The following FRMD6 variants were observed in gnomAD, a reference collection of about 807,000 sequenced individuals.
FRMD6 encodes FERM domain containing 6, also known as FERM domain-containing protein 6.
FRMD6 carries 37 observed loss-of-function variants against 73.2 expected under a neutral mutation model. That is an observed-to-expected ratio of 0.51 (90% CI 0.39 to 0.66). The LOEUF is 0.66. Among genes scored for constraint, FRMD6 ranks in the 30% least tolerant of loss-of-function variants. FRMD6 has a pLI of 0.00. For missense variants in FRMD6, 714 were observed against 780.5 expected, an observed-to-expected ratio of 0.91 and a Z score of 1.02; for synonymous variants, 273 against 282.2, an observed-to-expected ratio of 0.97 and a Z score of 0.33.
rs964268502 is a variant in FRMD6 at position 51,728,360 on chromosome 14, T to C, written c.*331T>C. 6 of 215,386 alleles carry C rather than the reference T, an allele frequency of 2.8e-5. No homozygotes were observed. The highest frequency in any genetic ancestry group is 2.1e-4 in the Admixed American group (4 of 18,764). The allele number at this position is 215,386 out of a possible 1,614,324, so 13.3% of individuals were successfully genotyped here. A position where few individuals can be genotyped will look rare whatever the true frequency, so the allele number is the denominator to read the frequency against. On this transcript the variant is annotated 3_prime_UTR_variant, in exon 14 of 14. Coordinates refer to ENST00000344768, the MANE Select transcript of FRMD6 (RefSeq NM_001267046.2). ...TCTGATGCTTTTTAGTTCAGTTACA[T>C]GTAACATCACATTTTTTTATCACGT... is the stretch of plus-strand genomic sequence containing the variant.
Position 51,725,799 on chromosome 14 carries a change from G to A in FRMD6, c.1513G>A (p.Gly505Arg), listed in dbSNP as rs761646381. ...TTCAGGGTTGATTGTGAAAGAAATT[G>A]GGTCTTCCACCTCGAGCTCTTCAGA... Reference protein sequence around the residue: ...GHSGLIVKEIGSSTSSSSETV... With the variant: ...GHSGLIVKEIRSSTSSSSETV... Residue 505 changes from glycine (G) to arginine (R), a missense_variant, in exon 13 of 14, where the codon GGG (glycine) becomes AGG (arginine). Gly to Arg is a moderately radical substitution (Grantham distance 125). Transcript: ENST00000344768. The A allele has an allele frequency of 9.3e-6, 15 of 1,613,224 alleles. No individual in the cohort carries two copies. The highest frequency in any genetic ancestry group is 3.3e-4 in the Middle Eastern group (2 of 6,060).
At chr14:51,689,016 G>C (rs1206499042) in intron 1 of FRMD6, among the ~76,000 whole-genome samples, 1 of 152,158 alleles carries the variant, frequency 6.6e-6, no homozygotes, top group African/African-American at 2.4e-5. Flanking sequence ...ATACAGTCTT[G>C]TTTTATCTGT....
At chr14:51,619,162 T>C (rs1487317659) in intron 2 of FRMD6, among the ~76,000 whole-genome samples, 2 of 151,928 alleles carry the variant, frequency 1.3e-5, no homozygotes, top group African/African-American at 4.8e-5. Flanking sequence ...AAAGCGCAAG[T>C]CTTCTTGTAT....
the FRMD6 span, among the ~76,000 whole-genome samples, chr14:51,449,738 C>G: frequency 1.3e-5 from 2 of 152,158 alleles, no homozygotes; most frequent in African/African-American, 4.8e-5. Context: ...ACTGTGGAAG[C>G]CTGGAAGTCA....
In FRMD6 at chr14:51,540,994, T is replaced by A. The variant is rs1566802253; in HGVS notation, c.-209-29354T>A. ...ACACCATGCAAGAAGTACCCTCTCT[T>A]AACTTTCCTCCTATTTCAGAATACT... On this transcript the variant is annotated intron_variant, in intron 1 of 14. Coordinates refer to the FRMD6 transcript ENST00000356218. Among the ~76,000 whole-genome samples the A allele has an allele frequency of 1.1e-4, 16 of 152,244 alleles. No homozygotes were observed. The South Asian group carries it at 3.3e-3, about 32-fold the overall frequency.
chr14:51,424,918 A>C, the FRMD6 span, among the ~76,000 whole-genome samples: 1 of 152,230 alleles, frequency 6.6e-6, no homozygotes, highest in Non-Finnish European at 1.5e-5. Context: ...ACTCTGCTCT[A>C]GTCACTCACA....
chr14:51,472,592 C>T, the FRMD6 span, among the ~76,000 whole-genome samples: 6 of 152,230 alleles, frequency 3.9e-5, no homozygotes, highest in Admixed American at 6.5e-5. Context: ...TGTGAGCCTC[C>T]GCACCCAGCC....
In FRMD6 at chr14:51,562,043, CT is replaced by C. The variant is rs767063679; in HGVS notation, c.-209-8299del. Reference sequence around the variant, plus strand: ...CCAGAATCAAAGATTCCCACCGTGGCTTTTTTATCTGCCTTTTAGGGCCCAA... The same window carrying C: ...CCAGAATCAAAGATTCCCACCGTGGCTTTTTATCTGCCTTTTAGGGCCCAA... On this transcript the variant is annotated intron_variant, in intron 1 of 14. Coordinates refer to the FRMD6 transcript ENST00000356218. Among the ~76,000 whole-genome samples, 12 of 152,120 alleles carry C rather than the reference CT, an allele frequency of 7.9e-5. No homozygotes were observed. In the East Asian group the frequency reaches 1.9e-3, roughly 24 times the overall value.
At chr14:51,698,887 T>G (rs1468256632) in intron 3 of FRMD6, among the ~76,000 whole-genome samples, 1 of 152,106 alleles carries the variant, frequency 6.6e-6, no homozygotes, top group Non-Finnish European at 1.5e-5. Context: ...ATAAGCTTTC[T>G]TCCTTCAAAT....
intron 2 of FRMD6, among the ~76,000 whole-genome samples, chr14:51,572,018 A>G (rs1354229377): frequency 6.6e-6 from 1 of 152,210 alleles, no homozygotes; most frequent in Non-Finnish European, 1.5e-5. Context: ...ATCTTCTATG[A>G]AGGTTTGTTA....
chr14:51,507,748 C>T (rs575599393), intron 1 of FRMD6, among the ~76,000 whole-genome samples: 33 of 151,890 alleles, frequency 2.2e-4, no homozygotes, highest in African/African-American at 8.0e-4. Flanking sequence ...GAAAACACAA[C>T]CCAGGGGAGC....
intron 9 of FRMD6, chr14:51,713,643 A>C (rs1897078133): frequency 6.6e-6 from 1 of 152,010 alleles, no homozygotes; most frequent in Non-Finnish European, 1.5e-5. Flanking sequence ...TTGCAAATAG[A>C]ATGTGGGCAT....
intron 2 of FRMD6, among the ~76,000 whole-genome samples, chr14:51,571,838 A>G (rs1044778664): frequency 6.6e-6 from 1 of 152,206 alleles, no homozygotes; most frequent in Non-Finnish European, 1.5e-5. Flanking sequence ...ATTAGCCATG[A>G]TTAAAGATTT....
At chr14:51,456,870 C>T in the FRMD6 span, among the ~76,000 whole-genome samples, 1 of 152,068 alleles carries the variant, frequency 6.6e-6, no homozygotes, top group African/African-American at 2.4e-5. Context: ...CCCTGGAGGA[C>T]ATTAAGTAAA....
chr14:51,727,771 C>T lies in FRMD6; in HGVS notation c.1611C>T (p.Ser537=), dbSNP rs1566604750. The part of the protein sequence containing the change: ...PQTICRKPKT[S]TDRHSLSLDD... The stretch of plus-strand genomic sequence containing the variant: ...CTATATGTCGGAAACCAAAGACCTC[C>T]ACTGATCGACACAGCTTGAGCCTCG... Residue 537 remains serine, a synonymous_variant, in exon 14 of 14, where the codon TCC becomes TCT. Transcript: ENST00000344768. 1.7e-5 allele frequency: 27 copies of T among 1,607,952 alleles called. No individual in the cohort carries two copies. Among genetic ancestry groups the T allele is most frequent in the Non-Finnish European group, 2.1e-5 (25 of 1,174,758 alleles).
chr14:51,447,228 T>A, the FRMD6 span, among the ~76,000 whole-genome samples: 1 of 152,086 alleles, frequency 6.6e-6, no homozygotes, highest in African/African-American at 2.4e-5. Context: ...CGGGGAGATG[T>A]GGAGGGACTT....
the FRMD6 span, among the ~76,000 whole-genome samples, chr14:51,467,536 G>C: frequency 6.6e-6 from 1 of 151,702 alleles, no homozygotes; most frequent in South Asian, 2.1e-4. Context: ...TTCCCAGAAG[G>C]GGCGGCCGGG....
At chr14:51,460,857 T>G in the FRMD6 span, among the ~76,000 whole-genome samples, 1 of 152,242 alleles carries the variant, frequency 6.6e-6, no homozygotes, top group Non-Finnish European at 1.5e-5. Context: ...AAAGTGATTT[T>G]ATGTTAAAAA....
intron 1 of FRMD6, among the ~76,000 whole-genome samples, chr14:51,678,756 G>A (rs1458435658): frequency 6.6e-6 from 1 of 150,866 alleles, no homozygotes; most frequent in African/African-American, 2.4e-5. Flanking sequence ...GCCTAGGAAC[G>A]TGGAGGCATG....
Sources: allele counts gnomAD v4.1 joint callset (sites outside exome capture counted in the v4.1 genomes callset), GRCh38; gene constraint gnomAD v4.1.1; transcripts MANE v1.5; gene names NCBI Gene and HGNC (gene_info 2026-07-23, HGNC 2026-07-21).